GOT2: variants seen among roughly 807,000 people sequenced by gnomAD.
GOT2 encodes aspartate aminotransferase, mitochondrial.
GOT2 carries 17 observed loss-of-function variants against 50.0 expected under a neutral mutation model. The ratio of observed to expected loss-of-function variants is 0.34; its 90% CI spans 0.23 to 0.51. GOT2 has a LOEUF of 0.51. Among genes scored for constraint, GOT2 ranks in the 20% least tolerant of loss-of-function variants. GOT2 has a pLI of 0.97. For missense variants in GOT2, 430 were observed against 559.6 expected (o/e 0.77, Z 2.34); for synonymous variants, 172 against 204.9 (o/e 0.84, Z 1.37).
intron 8 of GOT2, among the ~76,000 whole-genome samples, chr16:58,715,295 A>G (rs2044682661): frequency 6.6e-6 from 1 of 152,210 alleles, no homozygotes; most frequent in Non-Finnish European, 1.5e-5. Flanking sequence ...ACTTAATTTG[A>G]AACTGATTTT....
Position 58,718,567 on chromosome 16 carries a change from G to A in GOT2, c.557C>T (p.Thr186Ile). 6.2e-7 allele frequency: 1 copy of A among 1,605,066 alleles called. No individual in the cohort carries two copies. Among genetic ancestry groups the A allele is most frequent in the South Asian group, 1.1e-5 (1 of 89,542 alleles). ...AGCGCCTGTGAAGTCAAAACCGCAA[G>A]TCTTGGGGTCATAATACCGATAACC... ...LQGYRYYDPK[T>I]CGFDFTGAVE... is the part of the protein sequence containing the mutation. Residue 186 changes from threonine (T) to isoleucine (I), a missense_variant, in exon 5 of 10, where the codon ACT (threonine) becomes ATT (isoleucine). By Grantham distance (89) the Thr-to-Ile change is moderately conservative. Coordinates refer to ENST00000245206, the MANE Select transcript of GOT2 (RefSeq NM_002080.4).
At chr16:58,718,779 CTG>C in intron 4 of GOT2, 91 bp from the exon 5 acceptor site, 1 of 1,056,382 alleles carries the variant, frequency 9.5e-7, no homozygotes, top group Non-Finnish European at 1.4e-6. Context: ...TTTTTCTCTG[CTG>C]AAACCCAGTT....
At chr16:58,711,551 G>T (rs1218353880) in intron 8 of GOT2, among the ~76,000 whole-genome samples, 1 of 152,198 alleles carries the variant, frequency 6.6e-6, no homozygotes, top group East Asian at 1.9e-4. Flanking sequence ...GCCAATTAAA[G>T]ACCAAATATG....
In GOT2 at chr16:58,722,071, C is replaced by T. The variant is rs187311999; in HGVS notation, c.375+79G>A. 8.5e-3 allele frequency: 12,965 copies of T among 1,526,646 alleles called. 81 individuals carry two copies. The highest frequency in any genetic ancestry group is 0.031 in the Middle Eastern group (129 of 4,176). 94.6% of individuals were successfully genotyped at this position (1,526,646 alleles called of 1,614,324 possible). ...GTGGGATTACAGGCGTGAGCCATCGCGCCTGGCCTAAAATTGTTTAAATAA... is the reference window on the plus strand; with the variant it reads ...GTGGGATTACAGGCGTGAGCCATCGTGCCTGGCCTAAAATTGTTTAAATAA... On this transcript the variant is annotated intron_variant, in intron 3 of 9. Transcript: ENST00000245206.
intron 7 of GOT2, 95 bp from the exon 8 acceptor site, chr16:58,716,274 C>T: frequency 8.6e-7 from 1 of 1,164,054 alleles, no homozygotes; most frequent in Non-Finnish European, 1.2e-6. Context: ...CTGTTTCCAT[C>T]CAAAGGACCC....
chr16:58,729,040 A>G (rs2044811165), intron 1 of GOT2, among the ~76,000 whole-genome samples: 1 of 151,924 alleles, frequency 6.6e-6, no homozygotes. Context: ...ATCAGGAGAC[A>G]CTGCCATTAT....
Position 58,716,029 on chromosome 16 carries a change from T to C in GOT2, c.1004A>G (p.Asp335Gly), listed in dbSNP as rs982243536. ...RIAAAILNTPDLRKQWLQEVK... is the reference protein window; with the variant it reads ...RIAAAILNTPGLRKQWLQEVK... ...AAACCTTTACCATTGTTTTCGCAAA[T>C]CTGGGGTGTTCAGAATGGCAGCAGC... The change falls in exon 8 of 10, where the codon GAT (aspartate) becomes GGT (glycine). Residue 335 changes from aspartate to glycine, a missense_variant. Physicochemically the swap from Asp to Gly is moderately conservative, Grantham distance 94. Coordinates refer to ENST00000245206, the MANE Select transcript of GOT2 (RefSeq NM_002080.4). The C allele has an allele frequency of 1.9e-6, 3 of 1,612,432 alleles. No individual in the cohort carries two copies. The African/African-American group carries it at 4.0e-5, about 22-fold the overall frequency.
At chr16:58,712,650 T>C (rs1567485524) in intron 8 of GOT2, among the ~76,000 whole-genome samples, 1 of 152,214 alleles carries the variant, frequency 6.6e-6, no homozygotes, top group Non-Finnish European at 1.5e-5. Flanking sequence ...GACTCTCAAA[T>C]TGTGTATTGA....
At chr16:58,723,369 G>T (rs1350009663) in intron 2 of GOT2, among the ~76,000 whole-genome samples, 3 of 152,156 alleles carry the variant, frequency 2.0e-5, no homozygotes, top group Non-Finnish European at 4.4e-5. Context: ...CACAGTTAGA[G>T]AAATGGAAAA....
At chr16:58,727,310 C>G (rs1185476752) in intron 1 of GOT2, among the ~76,000 whole-genome samples, 1 of 151,898 alleles carries the variant, frequency 6.6e-6, no homozygotes, top group South Asian at 2.1e-4. Context: ...TTTGCCCAAT[C>G]TTGATGGCCT....
intron 6 of GOT2, among the ~76,000 whole-genome samples, 189 bp from the exon 7 acceptor site, chr16:58,717,002 C>T (rs2044700623): frequency 6.6e-6 from 1 of 152,194 alleles, no homozygotes; most frequent in Admixed American, 6.5e-5. Context: ...ATCATTAGAA[C>T]CATTTTATCT....
chr16:58,723,388 G>C (rs1309789757), intron 2 of GOT2, among the ~76,000 whole-genome samples: 3 of 152,148 alleles, frequency 2.0e-5, no homozygotes, highest in Non-Finnish European at 2.9e-5. Context: ...AATAAAAATA[G>C]TAATCCACGA....
intron 1 of GOT2, among the ~76,000 whole-genome samples, chr16:58,725,748 A>G (rs180735152): frequency 3.2e-4 from 49 of 152,286 alleles, no homozygotes; most frequent in Admixed American, 1.9e-3. Context: ...GACTGACATC[A>G]CCACCCTCTC....
At chr16:58,720,064 G>T (rs2044728702) in intron 3 of GOT2, among the ~76,000 whole-genome samples, 1 of 152,146 alleles carries the variant, frequency 6.6e-6, no homozygotes, top group African/African-American at 2.4e-5. Flanking sequence ...AGCCAGGTGT[G>T]TTGGCGCATG....
At chr16:58,713,510 A>AC (rs2044666570) in intron 8 of GOT2, among the ~76,000 whole-genome samples, 2 of 152,078 alleles carry the variant, frequency 1.3e-5, no homozygotes, top group African/African-American at 4.8e-5. Context: ...ACAAAACAAA[A>AC]CAAAAAACAA....
At chr16:58,711,518 G>C (rs956458990) in intron 8 of GOT2, among the ~76,000 whole-genome samples, 4 of 152,108 alleles carry the variant, frequency 2.6e-5, no homozygotes, top group African/African-American at 7.2e-5. Context: ...TGTTATGCAC[G>C]GTTAGAAGAG....
intron 1 of GOT2, among the ~76,000 whole-genome samples, chr16:58,726,648 C>T (rs888078556): frequency 2.6e-5 from 4 of 151,532 alleles, no homozygotes; most frequent in East Asian, 3.9e-4. Context: ...TGTGCCACCC[C>T]GCCTGGCTAA....
chr16:58,714,868 G>T (rs1007245620), intron 8 of GOT2, among the ~76,000 whole-genome samples: 1 of 151,902 alleles, frequency 6.6e-6, no homozygotes, highest in Admixed American at 6.6e-5. Context: ...TTATAGATGG[G>T]GTTTCAGTAT....
chr16:58,718,119 T>C (rs1468165196), intron 6 of GOT2, 77 bp downstream of exon 6: 1 of 1,005,398 alleles, frequency 9.9e-7, no homozygotes, highest in African/African-American at 1.6e-5. Context: ...AGACTCTCTG[T>C]TGAGACATTG....
Sources: gnomAD v4.1 joint callset for allele counts (sites outside exome capture counted in the v4.1 genomes callset) on GRCh38, gnomAD v4.1.1 for gene constraint, MANE v1.5 for transcripts, NCBI Gene and HGNC (gene_info 2026-07-23, HGNC 2026-07-21) for gene names.